Variants in DOCK3 observed in about 807,000 individuals in gnomAD.
DOCK3 encodes the protein dedicator of cytokinesis 3.
Under a neutral mutation model 265.6 loss-of-function variants are expected in DOCK3, and 60 were observed. That is an observed-to-expected ratio of 0.23 (90% CI 0.18 to 0.28). The LOEUF is 0.28. DOCK3 is among the 10% of genes least tolerant of loss of function. The pLI is 1.00. For missense variants in DOCK3, 1,981 were observed against 2,594.3 expected (o/e 0.76, Z 5.14); for synonymous variants, 881 against 938.0 (o/e 0.94, Z 1.11).
At chr3:50,994,514 A>G (rs73083294) in intron 5 of DOCK3, among the ~76,000 whole-genome samples, 2,372 of 152,342 alleles carry the variant, frequency 0.016, 25 homozygotes, top group Non-Finnish European at 0.025. Context: ...GCCAGTGGAC[A>G]TTAGTTGTGT....
chr3:50,962,813 T>C (rs1431016427), intron 5 of DOCK3, among the ~76,000 whole-genome samples: 1 of 152,236 alleles, frequency 6.6e-6, no homozygotes, highest in Non-Finnish European at 1.5e-5. Context: ...ATATGCAGCG[T>C]ATGTAAATAT....
intron 2 of DOCK3, among the ~76,000 whole-genome samples, chr3:50,783,298 T>TG (rs2042020420): frequency 6.6e-6 from 1 of 152,168 alleles, no homozygotes; most frequent in South Asian, 2.1e-4. Context: ...TCATCAGCAG[T>TG]ATAAAAGTGT....
intron 27 of DOCK3, among the ~76,000 whole-genome samples, chr3:51,306,935 G>T (rs893922313): frequency 6.6e-6 from 1 of 152,054 alleles, no homozygotes; most frequent in South Asian, 2.1e-4. Flanking sequence ...CCCGTGTATG[G>T]GCCATACTTT....
At position 51,380,225 on chromosome 3, in the gene DOCK3, C is replaced by T. The variant is rs1298406005; in HGVS notation, c.5583+18C>T. 3.1e-6 allele frequency: 5 copies of T among 1,603,744 alleles called. No individual in the cohort carries two copies. The highest frequency in any genetic ancestry group is 4.3e-6 in the Non-Finnish European group (5 of 1,173,284). On this transcript the variant is annotated intron_variant, in intron 52 of 52. Coordinates refer to ENST00000266037, the MANE Select transcript of DOCK3 (RefSeq NM_004947.5). ...TGCGCAAGGTAATGTACTGAAGCGG[C>T]AGCCCCACCAGGCTGTGAGATGAGT...
At chr3:51,064,624 C>T in intron 6 of DOCK3, 28 bp downstream of exon 6, 1 of 1,608,170 alleles carries the variant, frequency 6.2e-7, no homozygotes, top group Non-Finnish European at 8.5e-7. Flanking sequence ...TTGGGTATCT[C>T]TCAGTTTCAT....
chr3:51,049,702 G>T (rs2080915631), intron 5 of DOCK3, among the ~76,000 whole-genome samples: 1 of 151,020 alleles, frequency 6.6e-6, no homozygotes, highest in South Asian at 2.1e-4. Flanking sequence ...ACAAGAAAAA[G>T]AATAAAAGGC....
chr3:51,006,796 C>A (rs73085212), intron 5 of DOCK3, among the ~76,000 whole-genome samples: 2 of 152,092 alleles, frequency 1.3e-5, no homozygotes, highest in Admixed American at 6.6e-5. Context: ...ACAACAGGCC[C>A]GGGTGTATGT....
chr3:51,161,279 C>A (rs2086122791), intron 12 of DOCK3, among the ~76,000 whole-genome samples: 1 of 151,580 alleles, frequency 6.6e-6, no homozygotes, highest in Non-Finnish European at 1.5e-5. Context: ...CCTGTCTCTA[C>A]TAAAAATACA....
intron 5 of DOCK3, among the ~76,000 whole-genome samples, chr3:50,973,329 C>A (rs1470014739): frequency 2.1e-5 from 3 of 144,044 alleles, no homozygotes; most frequent in Non-Finnish European, 3.0e-5. Flanking sequence ...TGATGTTCCC[C>A]TTCCTGTGTC....
rs1220502802 is a variant in DOCK3 at position 51,214,246 on chromosome 3, A to T, written c.1251A>T (p.Pro417=). 2.5e-6 allele frequency: 4 copies of T among 1,613,472 alleles called. No homozygotes were observed. Among genetic ancestry groups the T allele is most frequent in the Non-Finnish European group, 3.4e-6 (4 of 1,179,642 alleles). The change falls in exon 14 of 53, where the codon CCA becomes CCT. Residue 417 remains proline (P), a splice_region_variant and synonymous_variant. Transcript: ENST00000266037. ...RKLGFPDVIM[P]GDIRNDLYLT... ...TGGGATTTCCTGATGTCATTATGCC[A>T]GGTATGCAGAACTGCTTGGGGCTGG...
intron 8 of DOCK3, 22 bp downstream of exon 8, chr3:51,089,306 T>C: frequency 6.2e-7 from 1 of 1,603,156 alleles, no homozygotes; most frequent in Non-Finnish European, 8.5e-7. Context: ...TCCTGGGTCT[T>C]CCAGCCTTTC....
intron 4 of DOCK3, among the ~76,000 whole-genome samples, chr3:50,929,585 C>T (rs933108111): frequency 2.0e-5 from 3 of 152,178 alleles, no homozygotes; most frequent in Non-Finnish European, 4.4e-5. Flanking sequence ...TGGCTTTTGA[C>T]TTCAGAGTCC....
chr3:50,694,824 C>T (rs2107767111), intron 1 of DOCK3, among the ~76,000 whole-genome samples: 1 of 151,952 alleles, frequency 6.6e-6, no homozygotes, highest in Admixed American at 6.6e-5. Context: ...AACAAACAAA[C>T]AAAAAAACAA....
intron 23 of DOCK3, among the ~76,000 whole-genome samples, chr3:51,269,125 C>T (rs1451608528): frequency 2.0e-5 from 3 of 147,472 alleles, no homozygotes; most frequent in Admixed American, 6.8e-5. Context: ...CACTGTCTCT[C>T]TCTCTCTCTC....
At chr3:51,288,885 GGT>G (rs776856235) in intron 27 of DOCK3, among the ~76,000 whole-genome samples, 59 of 146,986 alleles carry the variant, frequency 4.0e-4, no homozygotes, top group Admixed American at 2.4e-3. Context: ...TGTTTGTGTG[GGT>G]GTGTGTGTGT....
At chr3:51,023,429 G>A (rs1221163317) in intron 5 of DOCK3, among the ~76,000 whole-genome samples, 2 of 151,840 alleles carry the variant, frequency 1.3e-5, no homozygotes, top group African/African-American at 4.8e-5. Flanking sequence ...TGTTCTTGTT[G>A]TTTTTTGAGA....
At chr3:51,279,999 C>G in intron 26 of DOCK3, 107 bp from the exon 27 acceptor site, 1 of 806,128 alleles carries the variant, frequency 1.2e-6, no homozygotes, top group Non-Finnish European at 2.0e-6. Context: ...CTTCCATGAT[C>G]ATTGGGGCCA....
rs541792376 is a variant in DOCK3 at position 51,030,812 on chromosome 3, G to A, written c.316-33636G>A. On this transcript the variant is annotated intron_variant, in intron 5 of 52. Transcript: ENST00000266037. ...ACAAACCCCAATTTTTGTCTTCCCC[G>A]TCCTGTGTGATTGCCTAAAGCTCTC... 7.2e-5 allele frequency among the ~76,000 whole-genome samples: 11 copies of A among 152,166 alleles called. No individual in the cohort carries two copies. The South Asian group carries it at 1.5e-3, about 20-fold the overall frequency.
intron 2 of DOCK3, among the ~76,000 whole-genome samples, chr3:50,836,854 G>C (rs2045539990): frequency 6.6e-6 from 1 of 152,140 alleles, no homozygotes; most frequent in South Asian, 2.1e-4. Context: ...TCTTCCGCCA[G>C]ATACCCTAAA....
Sources: allele counts gnomAD v4.1 joint callset (sites outside exome capture counted in the v4.1 genomes callset), GRCh38; gene constraint gnomAD v4.1.1; transcripts MANE v1.5; gene names NCBI Gene and HGNC (gene_info 2026-07-23, HGNC 2026-07-21).